TMTC2: variants seen among roughly 807,000 people sequenced by gnomAD.
TMTC2 encodes protein O-mannosyl-transferase TMTC2.
In TMTC2, 43 loss-of-function variants were observed where a neutral mutation model predicts 82.4. The ratio of observed to expected loss-of-function variants is 0.52; its 90% confidence interval spans 0.41 to 0.67. The LOEUF (loss-of-function observed/expected upper bound fraction) is 0.67. TMTC2 is among the 30% of genes least tolerant of loss of function. The pLI, the probability that TMTC2 is intolerant of heterozygous loss-of-function variation, is 0.00. For missense variants in TMTC2, 919 were observed against 1,012.4 expected (o/e 0.91, Z 1.25); for synonymous variants, 408 against 381.9 (o/e 1.07, Z -0.80).
intron 1 of TMTC2, among the ~76,000 whole-genome samples, chr12:82,724,040 G>A (rs1874329385): frequency 6.6e-6 from 1 of 152,148 alleles, no homozygotes; most frequent in African/African-American, 2.4e-5. Context: ...AGAACTTCTG[G>A]ATTTGTTTTA....
intron 1 of TMTC2, among the ~76,000 whole-genome samples, chr12:82,812,103 C>T (rs1225813820): frequency 6.6e-6 from 1 of 152,014 alleles, no homozygotes; most frequent in Non-Finnish European, 1.5e-5. Flanking sequence ...CAGGCATGAG[C>T]CACATTCTCT....
At chr12:82,756,857 A>C (rs1876358190) in intron 1 of TMTC2, among the ~76,000 whole-genome samples, 1 of 152,156 alleles carries the variant, frequency 6.6e-6, no homozygotes, top group South Asian at 2.1e-4. Context: ...GGTTCACCCA[A>C]ATGGAGCCCT....
chr12:82,687,530 T>C lies in TMTC2; in HGVS notation c.-57T>C, dbSNP rs1003677515. The C allele has an allele frequency of 3.9e-6, 6 of 1,528,806 alleles. No individual in the cohort carries two copies. The African/African-American group carries it at 8.1e-5, about 21-fold the overall frequency. The allele number at this position is 1,528,806 out of a possible 1,614,324, so 94.7% of individuals were successfully genotyped here. On this transcript the variant is annotated 5_prime_UTR_variant, in exon 1 of 12. Coordinates refer to ENST00000321196, the MANE Select transcript of TMTC2 (RefSeq NM_152588.3). The stretch of plus-strand genomic sequence containing the variant: ...AGGTGGAGATTGATGCTTCTGTTTT[T>C]TGTTGCCGCTGCTGCCCTCGCGCTG...
At chr12:82,856,129 C>G (rs1230966431) in intron 1 of TMTC2, among the ~76,000 whole-genome samples, 1 of 152,152 alleles carries the variant, frequency 6.6e-6, no homozygotes, top group East Asian at 1.9e-4. Flanking sequence ...TGAGATGTAG[C>G]CAAGGAGACC....
chr12:82,718,223 G>A (rs1873989266), intron 1 of TMTC2, among the ~76,000 whole-genome samples: 1 of 152,160 alleles, frequency 6.6e-6, no homozygotes. Context: ...TATTGGGCTT[G>A]ATTTGAAACT....
intron 1 of TMTC2, among the ~76,000 whole-genome samples, chr12:82,773,974 A>C (rs941304913): frequency 1.3e-5 from 2 of 152,106 alleles, no homozygotes; most frequent in Non-Finnish European, 2.9e-5. Context: ...TTAAAATGTA[A>C]TAATTTGATG....
At chr12:82,827,683 TTTTC>T (rs141986446) in intron 1 of TMTC2, among the ~76,000 whole-genome samples, 9,064 of 150,632 alleles carry the variant, frequency 0.06, 291 homozygotes, top group Middle Eastern at 0.19. Context: ...CTTTCTTTTA[TTTTC>T]TTTCTTTCTT....
intron 11 of TMTC2, among the ~76,000 whole-genome samples, chr12:83,112,097 C>A (rs551519289): frequency 5.3e-5 from 8 of 152,130 alleles, no homozygotes; most frequent in African/African-American, 1.2e-4. Flanking sequence ...CAGAGTGAGA[C>A]CCTGTCTAAA....
chr12:82,886,039 G>T (rs1873082065), intron 2 of TMTC2, among the ~76,000 whole-genome samples: 1 of 152,156 alleles, frequency 6.6e-6, no homozygotes, highest in South Asian at 2.1e-4. Context: ...ATGGACTCAT[G>T]AATATTTATT....
intron 8 of TMTC2, among the ~76,000 whole-genome samples, chr12:83,016,693 T>C (rs1414099855): frequency 6.6e-6 from 1 of 152,162 alleles, no homozygotes; most frequent in Non-Finnish European, 1.5e-5. Context: ...TTAAATAACA[T>C]AATGATTCCT....
chr12:83,085,736 A>G (rs952745354), intron 11 of TMTC2, among the ~76,000 whole-genome samples: 21 of 152,218 alleles, frequency 1.4e-4, no homozygotes, highest in Admixed American at 3.3e-4. Flanking sequence ...AGAAAGTCAT[A>G]TTTGACATTC....
chr12:82,884,484 G>A (rs1872990387), intron 2 of TMTC2, among the ~76,000 whole-genome samples: 1 of 152,154 alleles, frequency 6.6e-6, no homozygotes, highest in South Asian at 2.1e-4. Flanking sequence ...GGCACTTAAT[G>A]TTGGTCTTAT....
intron 8 of TMTC2, among the ~76,000 whole-genome samples, chr12:82,999,411 G>A (rs776412985): frequency 2.6e-5 from 4 of 152,158 alleles, no homozygotes; most frequent in Non-Finnish European, 5.9e-5. Context: ...TTGATAACAT[G>A]GCTTGAGGTA....
At chr12:83,128,700 C>T (rs1364280718) in intron 11 of TMTC2, among the ~76,000 whole-genome samples, 2 of 152,148 alleles carry the variant, frequency 1.3e-5, no homozygotes, top group Non-Finnish European at 2.9e-5. Flanking sequence ...TTCTGCATTT[C>T]TGTCAAGCTG....
At chr12:82,926,531 T>C (rs1472579426) in intron 3 of TMTC2, among the ~76,000 whole-genome samples, 1 of 152,230 alleles carries the variant, frequency 6.6e-6, no homozygotes, top group Non-Finnish European at 1.5e-5. Flanking sequence ...CAGTAAATTA[T>C]GTACAAAATA....
intron 1 of TMTC2, among the ~76,000 whole-genome samples, chr12:82,719,086 T>TATATATATATATATATA (rs1491203790): frequency 1.0e-4 from 2 of 19,326 alleles, no homozygotes; most frequent in African/African-American, 4.3e-4. Flanking sequence ...TATATATATA[T>TATATATATATATATATA]TTTTTTTTTT....
At chr12:82,867,926 C>A (rs1160977181) in intron 2 of TMTC2, among the ~76,000 whole-genome samples, 1 of 152,130 alleles carries the variant, frequency 6.6e-6, no homozygotes, top group African/African-American at 2.4e-5. Flanking sequence ...CGCAGAGATG[C>A]TTATAAGTCT....
chr12:82,849,725 A>G (rs980331010), intron 1 of TMTC2, among the ~76,000 whole-genome samples: 1 of 152,156 alleles, frequency 6.6e-6, no homozygotes, highest in Non-Finnish European at 1.5e-5. Context: ...CAGATGTCAG[A>G]ATAGCAACTC....
intron 2 of TMTC2, among the ~76,000 whole-genome samples, chr12:82,864,774 T>G (rs960275691): frequency 6.6e-6 from 1 of 151,776 alleles, no homozygotes; most frequent in African/African-American, 2.4e-5. Context: ...ATGCTGGGAT[T>G]ACAGGCGTGA....
Sources: allele counts gnomAD v4.1 joint callset (sites outside exome capture counted in the v4.1 genomes callset), GRCh38; gene constraint gnomAD v4.1.1; transcripts MANE v1.5; gene names NCBI Gene and HGNC (gene_info 2026-07-23, HGNC 2026-07-21).